Variants in GNG7 observed in about 807,000 individuals in gnomAD.
GNG7 encodes G protein subunit gamma 7, also known as guanine nucleotide-binding protein G(I)/G(S)/G(O) subunit gamma-7.
GNG7 carries 1 observed loss-of-function variant against 4.0 expected under a neutral mutation model. The observed-to-expected ratio is 0.25, with a 90% CI of 0.09 to 1.18. GNG7 has a LOEUF of 1.18. GNG7 is among the 50% of genes most tolerant of loss of function. GNG7 has a pLI of 0.50. For synonymous variants in GNG7, 34 were observed against 36.9 expected, an observed-to-expected ratio of 0.92 and a Z score of 0.29; for missense variants, 86 against 91.9, an observed-to-expected ratio of 0.94 and a Z score of 0.26.
chr19:2,643,073 A>C (rs1486301665), intron 2 of GNG7: 1 of 451,702 alleles, frequency 2.2e-6, no homozygotes, highest in East Asian at 7.1e-5. Flanking sequence ...GGCTCTGCAC[A>C]CCTTTCCGCC....
chr19:2,697,365 G>A (rs905853346), intron 1 of GNG7, among the ~76,000 whole-genome samples: 3 of 152,182 alleles, frequency 2.0e-5, no homozygotes, highest in Non-Finnish European at 4.4e-5. Flanking sequence ...CAACCACACA[G>A]AGAGAGCGTG....
chr19:2,639,613 C>T, intron 2 of GNG7, among the ~76,000 whole-genome samples: 1 of 9,594 alleles, frequency 1.0e-4, no homozygotes, highest in Non-Finnish European at 2.2e-4. Flanking sequence ...AGCTCAGCAG[C>T]ACATCCACTC....
chr19:2,560,660 C>G (rs1979714445), intron 2 of GNG7, among the ~76,000 whole-genome samples: 1 of 152,006 alleles, frequency 6.6e-6, no homozygotes, highest in African/African-American at 2.4e-5. Context: ...ACCCTGAATT[C>G]ATTATTTGGA....
intron 1 of GNG7, among the ~76,000 whole-genome samples, chr19:2,647,900 C>A (rs377605301): frequency 6.6e-6 from 1 of 151,330 alleles, no homozygotes; most frequent in Admixed American, 6.6e-5. Flanking sequence ...TGGTGGTGGG[C>A]GCCCGTAATC....
At chr19:2,534,661 T>C (rs1978684026) in intron 3 of GNG7, among the ~76,000 whole-genome samples, 1 of 152,188 alleles carries the variant, frequency 6.6e-6, no homozygotes, top group Admixed American at 6.5e-5. Context: ...GCCCAGAAGA[T>C]ATTTATTATA....
At chr19:2,554,708 C>T (rs1979494334) in intron 3 of GNG7, among the ~76,000 whole-genome samples, 1 of 151,884 alleles carries the variant, frequency 6.6e-6, no homozygotes, top group Admixed American at 6.6e-5. Context: ...GCACCTGCCA[C>T]CATGCCCTGC....
At chr19:2,680,708 T>G (rs1983710247) in intron 1 of GNG7, among the ~76,000 whole-genome samples, 1 of 151,834 alleles carries the variant, frequency 6.6e-6, no homozygotes, top group South Asian at 2.1e-4. Flanking sequence ...CCTAAGTAGC[T>G]AGGATTACAG....
intron 3 of GNG7, among the ~76,000 whole-genome samples, chr19:2,550,303 C>T (rs530501384): frequency 8.2e-4 from 125 of 152,262 alleles, no homozygotes; most frequent in African/African-American, 1.4e-3. Flanking sequence ...CTGCAACCTC[C>T]GCCTCCCGGG....
intron 1 of GNG7, among the ~76,000 whole-genome samples, chr19:2,652,280 T>C (rs183158022): frequency 6.6e-6 from 1 of 151,942 alleles, no homozygotes; most frequent in Non-Finnish European, 1.5e-5. Flanking sequence ...AGAAAAACAC[T>C]GCGTAATCCC....
intron 2 of GNG7, among the ~76,000 whole-genome samples, chr19:2,565,376 G>T (rs1421814692): frequency 6.6e-6 from 1 of 152,056 alleles, no homozygotes; most frequent in African/African-American, 2.4e-5. Flanking sequence ...GCTGGACGTG[G>T]TGGCACACGC....
chr19:2,582,056 AG>A (rs1980519558), intron 2 of GNG7, among the ~76,000 whole-genome samples: 2 of 152,230 alleles, frequency 1.3e-5, no homozygotes, highest in Admixed American at 1.3e-4. Context: ...CAAAAAGTTG[AG>A]GTCCTTAATA....
At chr19:2,666,165 G>C (rs1207927073) in intron 1 of GNG7, among the ~76,000 whole-genome samples, 1 of 150,516 alleles carries the variant, frequency 6.6e-6, no homozygotes, top group Non-Finnish European at 1.5e-5. Context: ...AATTTTTATT[G>C]TATTTATTTA....
intron 2 of GNG7, chr19:2,642,580 G>A: frequency 2.8e-6 from 1 of 359,474 alleles, no homozygotes; most frequent in Non-Finnish European, 5.5e-6. Flanking sequence ...TGCCTGGGCT[G>A]GTCTCAAACT....
intron 3 of GNG7, among the ~76,000 whole-genome samples, chr19:2,549,254 G>C (rs1979235915): frequency 6.6e-6 from 1 of 151,818 alleles, no homozygotes; most frequent in Non-Finnish European, 1.5e-5. Context: ...GGGGGTGGAG[G>C]TGGAGGAGGA....
intron 3 of GNG7, among the ~76,000 whole-genome samples, chr19:2,524,636 G>A (rs1243849812): frequency 6.6e-6 from 1 of 152,250 alleles, no homozygotes; most frequent in Non-Finnish European, 1.5e-5. Context: ...CTATATGAGT[G>A]CATGTACACA....
In GNG7 at chr19:2,642,825, A is replaced by C. The variant is rs1487691456; in HGVS notation, c.-78+3399T>G. ...GAATGTTTGAAGAAGCCCAACACCA[A>C]ACCTGTGGCAGCCCCAGGAAGCACC... is the stretch of plus-strand genomic sequence containing the variant. On this transcript the variant is annotated intron_variant, in intron 2 of 4. Coordinates refer to ENST00000382159, the MANE Select transcript of GNG7 (RefSeq NM_052847.3). 17 of 456,616 alleles carry C rather than the reference A, an allele frequency of 3.7e-5. No homozygotes were observed. In the East Asian group the frequency reaches 9.7e-4, roughly 26 times the overall value. The allele number at this position is 456,616 out of a possible 1,614,324, so 28.3% of individuals were successfully genotyped here.
At chr19:2,657,641 G>A (rs1283303092) in intron 1 of GNG7, among the ~76,000 whole-genome samples, 1 of 150,342 alleles carries the variant, frequency 6.7e-6, no homozygotes, top group African/African-American at 2.4e-5. Flanking sequence ...TTTGGAGCCA[G>A]GAGAGCTGGA....
At chr19:2,607,745 G>A (rs1003239308) in intron 2 of GNG7, among the ~76,000 whole-genome samples, 1 of 151,842 alleles carries the variant, frequency 6.6e-6, no homozygotes, top group Non-Finnish European at 1.5e-5. Context: ...TCCGCCCCCC[G>A]CCCCTCCCAG....
At chr19:2,566,283 C>T (rs1045651321) in intron 2 of GNG7, among the ~76,000 whole-genome samples, 1 of 152,172 alleles carries the variant, frequency 6.6e-6, no homozygotes, top group African/African-American at 2.4e-5. Flanking sequence ...GGGGGTGTCA[C>T]TTCCACAAGC....
Sources: gnomAD v4.1 joint callset for allele counts (sites outside exome capture counted in the v4.1 genomes callset) on GRCh38, gnomAD v4.1.1 for gene constraint, MANE v1.5 for transcripts, NCBI Gene and HGNC (gene_info 2026-07-23, HGNC 2026-07-21) for gene names.